Variants in KCNQ1 observed in about 807,000 individuals in gnomAD.
KCNQ1 encodes potassium voltage-gated channel subfamily Q member 1.
In KCNQ1, 49 loss-of-function variants were observed where a neutral mutation model predicts 72.4. The ratio of observed to expected loss-of-function variants is 0.68; its 90% CI spans 0.54 to 0.86. The LOEUF (loss-of-function observed/expected upper bound fraction) is 0.86. Ranked by LOEUF, KCNQ1 falls within the 40% of genes least tolerant of loss-of-function variation. The probability of loss-of-function intolerance (pLI) is 0.00; values close to 1 mark genes in which losing one functional copy is unlikely to be tolerated. For synonymous variants in KCNQ1, 450 were observed against 412.6 expected (o/e 1.09, Z -1.10); for missense variants, 790 against 945.1 (o/e 0.84, Z 2.15).
rs748838409 is a variant in KCNQ1 at position 2,663,783 on chromosome 11, G to T, written c.1514+1702G>T. On this transcript the variant is annotated intron_variant, in intron 11 of 15. Transcript: ENST00000155840. The surrounding 1 kb of genome is among the most constrained non-coding windows in gnomAD (Gnocchi z 5.2). The stretch of plus-strand genomic sequence containing the variant: ...GTGGATCACAGCCAAACTTGCAGCT[G>T]CCCAGTAAATCACCACTATGGGGGT... 116 of 398,588 alleles carry T rather than the reference G, an allele frequency of 2.9e-4. No individual in the cohort carries two copies. Among genetic ancestry groups the T allele is most frequent in the Non-Finnish European group, 4.6e-4 (103 of 226,150 alleles). The allele number at this position is 398,588 out of a possible 1,614,324, so 24.7% of individuals were successfully genotyped here.
chr11:2,648,901 A>G (rs1485386685), intron 10 of KCNQ1: 2 of 397,980 alleles, frequency 5.0e-6, no homozygotes. Context: ...TGTTGGTTGC[A>G]TATATAATTG....
Position 2,785,253 on chromosome 11 carries a change from G to A in KCNQ1, c.1794+7216G>A, listed in dbSNP as rs892370291. On this transcript the variant is annotated intron_variant, in intron 15 of 15. Transcript: ENST00000155840. This position sits in a 1 kb window ranked among gnomAD's most constrained non-coding sequence, Gnocchi z 4.4. ...TCTGTGTCTAGTGAGATGGTCCTGT[G>A]GTTTTTATTCCTTATTCTACTGATT... is the stretch of plus-strand genomic sequence containing the variant. Among the ~76,000 whole-genome samples, 1 of 151,718 alleles carries A rather than the reference G, an allele frequency of 6.6e-6. No homozygotes were observed. The highest frequency in any genetic ancestry group is 2.4e-5 in the African/African-American group (1 of 41,338).
At chr11:2,583,595 C>A in intron 7 of KCNQ1, 50 bp downstream of exon 7, 1 of 1,294,262 alleles carries the variant, frequency 7.7e-7, no homozygotes, top group Non-Finnish European at 1.1e-6. Context: ...CAGCTGGGGT[C>A]CTGGGGTGGC....
chr11:2,673,446 G>C lies in KCNQ1; in HGVS notation c.1514+11365G>C, dbSNP rs1333675048. On this transcript the variant is annotated intron_variant, in intron 11 of 15. Transcript: ENST00000155840. This position sits in a 1 kb window ranked among gnomAD's most constrained non-coding sequence, Gnocchi z 4.5. ...CCTGGAGGTTCCAACTTGGTGTTGG[G>C]CCTCCTTGAGCCGGAACACCTGAAA... 2.5e-6 allele frequency: 1 copy of C among 398,668 alleles called. No homozygotes were observed. Among genetic ancestry groups the C allele is most frequent in the East Asian group, 3.6e-5 (1 of 28,082 alleles). The allele number at this position is 398,668 out of a possible 1,614,324, so 24.7% of individuals were successfully genotyped here.
intron 11 of KCNQ1, among the ~76,000 whole-genome samples, chr11:2,761,896 C>T (rs1030092853): frequency 2.6e-5 from 4 of 152,340 alleles, no homozygotes; most frequent in South Asian, 2.1e-4. Context: ...AGGGGAGGCC[C>T]GCAGCAGCTT....
rs1846538682 is a variant in KCNQ1 at position 2,768,707 on chromosome 11, T to C, written c.1515-137T>C. ...CACACTGGGACATGGCCTAAGTATC[T>C]CCATCCCATGGAGTTGAACACTCTC... On this transcript the variant is annotated intron_variant, in intron 11 of 15. Coordinates refer to ENST00000155840, the MANE Select transcript of KCNQ1 (RefSeq NM_000218.3). This position sits in a 1 kb window ranked among gnomAD's most constrained non-coding sequence, Gnocchi z 6.7. 1 of 747,614 alleles carries C rather than the reference T, an allele frequency of 1.3e-6. No individual in the cohort carries two copies. The highest frequency in any genetic ancestry group is 2.4e-6 in the Non-Finnish European group (1 of 413,288). 46.3% of individuals were successfully genotyped at this position (747,614 alleles called of 1,614,324 possible).
intron 10 of KCNQ1, chr11:2,656,027 C>CCT (rs1233909281): frequency 5.0e-6 from 2 of 398,554 alleles, no homozygotes; most frequent in Admixed American, 8.8e-5. Context: ...ACAGAACCTT[C>CCT]CTCAGGGGTC....
rs1010170847 is a variant in KCNQ1, at chr11:2,562,651, C to T, written c.478-7977C>T. ...ACCCCTCTTCAGAGTCTCCAGGCCC[C>T]ATCTTGGCCTGATGAGGCCTCATTG... On this transcript the variant is annotated intron_variant, in intron 2 of 15. Coordinates refer to ENST00000155840, the MANE Select transcript of KCNQ1 (RefSeq NM_000218.3). This position sits in a 1 kb window ranked among gnomAD's most constrained non-coding sequence, Gnocchi z 7.5. Among the ~76,000 whole-genome samples the T allele has an allele frequency of 1.3e-5, 2 of 152,198 alleles. No individual in the cohort carries two copies. Among genetic ancestry groups the T allele is most frequent in the Admixed American group, 1.3e-4 (2 of 15,286 alleles).
intron 6 of KCNQ1, among the ~76,000 whole-genome samples, chr11:2,583,013 C>G (rs757863474): frequency 6.6e-6 from 1 of 152,154 alleles, no homozygotes; most frequent in African/African-American, 2.4e-5. Flanking sequence ...GTCATCCCAG[C>G]CCCTGCTCTT....
At chr11:2,794,165 G>A (rs1847085502) in intron 15 of KCNQ1, among the ~76,000 whole-genome samples, 1 of 152,214 alleles carries the variant, frequency 6.6e-6, no homozygotes, top group South Asian at 2.1e-4. Context: ...TCCAGGAGTG[G>A]TGAGGGGCTG....
In KCNQ1 at chr11:2,572,120, C is replaced by T. The variant is rs201316912; in HGVS notation, c.780+11C>T. 168 of 1,606,006 alleles carry T rather than the reference C, an allele frequency of 1.0e-4. No homozygotes were observed. Among genetic ancestry groups the T allele is most frequent in the Middle Eastern group, 3.3e-4 (2 of 6,028 alleles). ...TTCATCCACCGCCAGGTGGGTGGCCCGGGTTAGGGGTGCGGGGCCCAGGTT... is the reference window on the plus strand; with the variant it reads ...TTCATCCACCGCCAGGTGGGTGGCCTGGGTTAGGGGTGCGGGGCCCAGGTT... On this transcript the variant is annotated intron_variant, in intron 5 of 15. Transcript: ENST00000155840.
chr11:2,605,118 TC>T (rs1250047398), intron 10 of KCNQ1, among the ~76,000 whole-genome samples: 2 of 152,218 alleles, frequency 1.3e-5, no homozygotes, highest in African/African-American at 2.4e-5. Context: ...CGATTTTTCA[TC>T]CATTCTTTAA....
intron 2 of KCNQ1, among the ~76,000 whole-genome samples, chr11:2,546,643 G>A (rs1210544196): frequency 1.3e-5 from 2 of 150,020 alleles, no homozygotes; most frequent in African/African-American, 5.0e-5. Context: ...TTTATTTTTT[G>A]CTTTTGTCAT....
chr11:2,577,327 C>A (rs894300725), intron 6 of KCNQ1, among the ~76,000 whole-genome samples: 1 of 152,198 alleles, frequency 6.6e-6, no homozygotes, highest in African/African-American at 2.4e-5. Context: ...GCCGGAGTGT[C>A]CCTGCAGGAC....
intron 10 of KCNQ1, chr11:2,638,316 T>C (rs930542667): frequency 6.6e-6 from 1 of 152,234 alleles, no homozygotes; most frequent in African/African-American, 2.4e-5. Context: ...CTGGTACCAA[T>C]TGTTCCTTTC....
At chr11:2,558,274 TC>T (rs1199182943) in intron 2 of KCNQ1, among the ~76,000 whole-genome samples, 1 of 152,226 alleles carries the variant, frequency 6.6e-6, no homozygotes, top group Non-Finnish European at 1.5e-5. Flanking sequence ...GCAAATGTTG[TC>T]CCCCACGTGG....
rs954041875 is a variant in KCNQ1, at chr11:2,613,530, G to A, written c.1393+24676G>A. On this transcript the variant is annotated intron_variant, in intron 10 of 15. Transcript: ENST00000155840. This position sits in a 1 kb window ranked among gnomAD's most constrained non-coding sequence, Gnocchi z 4.8. Reference sequence around the variant, plus strand: ...TTGGGTGGGGAGATGGCAGCCCCACGTTAAATCATAACCCTGCTATTCTTA... The same window carrying A: ...TTGGGTGGGGAGATGGCAGCCCCACATTAAATCATAACCCTGCTATTCTTA... The A allele has an allele frequency of 3.5e-5, 14 of 398,306 alleles. No individual in the cohort carries two copies. Among genetic ancestry groups the A allele is most frequent in the Admixed American group, 1.3e-4 (3 of 22,676 alleles). The allele number at this position is 398,306 out of a possible 1,614,324, so 24.7% of individuals were successfully genotyped here. A position where few individuals can be genotyped will look rare whatever the true frequency, so the allele number is the denominator to read the frequency against.
chr11:2,800,487 C>T (rs1281596483), intron 15 of KCNQ1, among the ~76,000 whole-genome samples: 2 of 152,240 alleles, frequency 1.3e-5, no homozygotes, highest in Non-Finnish European at 1.5e-5. Flanking sequence ...TGGGTACTCC[C>T]AGCTGCAGCC....
chr11:2,633,981 G>A (rs748395815), intron 10 of KCNQ1: 20 of 398,438 alleles, frequency 5.0e-5, no homozygotes, highest in Non-Finnish European at 6.6e-5. Context: ...AATCTATGTT[G>A]TTGAAGAGTC....
Sources: allele counts gnomAD v4.1 joint callset (sites outside exome capture counted in the v4.1 genomes callset), GRCh38; gene constraint gnomAD v4.1.1; non-coding constraint Gnocchi (gnomAD v3.1); transcripts MANE v1.5; gene names NCBI Gene and HGNC (gene_info 2026-07-23, HGNC 2026-07-21).